The following SLC5A11 variants were observed in gnomAD, a reference collection of about 807,000 sequenced individuals.
SLC5A11 encodes solute carrier family 5 member 11.
In SLC5A11, 48 loss-of-function variants were observed where a neutral mutation model predicts 69.8. That is an observed-to-expected ratio of 0.69 (90% CI 0.55 to 0.87). The LOEUF (loss-of-function observed/expected upper bound fraction) is 0.87, where lower values mean the gene tolerates loss of function less well. SLC5A11 is among the 40% of genes least tolerant of loss of function. The pLI is 0.00. For synonymous variants in SLC5A11, 319 were observed against 342.4 expected, an observed-to-expected ratio of 0.93 and a Z score of 0.75; for missense variants, 784 against 866.1, an observed-to-expected ratio of 0.91 and a Z score of 1.19.
At chr16:24,875,143 A>G (rs1355304444) in intron 5 of SLC5A11, among the ~76,000 whole-genome samples, 1 of 152,134 alleles carries the variant, frequency 6.6e-6, no homozygotes, top group African/African-American at 2.4e-5. Context: ...ATGGCCTCAC[A>G]ATTAAATCTA....
chr16:24,889,739 G>A (rs1341981797), intron 8 of SLC5A11, among the ~76,000 whole-genome samples: 2 of 151,592 alleles, frequency 1.3e-5, no homozygotes, highest in South Asian at 2.1e-4. Context: ...GTAGAGACAG[G>A]GTTTCACCAT....
chr16:24,885,648 C>T (rs2048342932), intron 8 of SLC5A11, among the ~76,000 whole-genome samples: 1 of 83,468 alleles, frequency 1.2e-5, no homozygotes, highest in South Asian at 5.4e-4. Flanking sequence ...CAGAGTGAGA[C>T]CCTGTCTCAA....
chr16:24,868,904 G>C (rs538596779), intron 3 of SLC5A11, among the ~76,000 whole-genome samples: 1 of 138,402 alleles, frequency 7.2e-6, no homozygotes, highest in African/African-American at 2.7e-5. Context: ...CGGAGTCTCT[G>C]TCGTCCAGGC....
In SLC5A11 at chr16:24,893,392, G is replaced by A. The variant is rs1260293409; in HGVS notation, c.870+2318G>A. Among the ~76,000 whole-genome samples the A allele has an allele frequency of 7.3e-5, 11 of 151,464 alleles. No homozygotes were observed. The South Asian group carries it at 1.7e-3, about 23-fold the overall frequency. ...ACTCTGTCTCAAAAACAAACAAAAC[G>A]AAACAAAAAAAGACAGTTGACCCAT... On this transcript the variant is annotated intron_variant, in intron 9 of 15. Transcript: ENST00000347898.
At chr16:24,872,081 C>G (rs886911118) in intron 4 of SLC5A11, 79 bp from the exon 6 acceptor site, 1 of 1,562,452 alleles carries the variant, frequency 6.4e-7, no homozygotes, top group African/African-American at 1.4e-5. Flanking sequence ...GCCAGGCTGC[C>G]TCAGGGCGCA....
chr16:24,908,146 C>A lies in SLC5A11; in HGVS notation c.1434+15C>A, dbSNP rs777421344. The A allele has an allele frequency of 6.4e-7, 1 of 1,564,422 alleles. No homozygotes were observed. The highest frequency in any genetic ancestry group is 8.6e-7 in the Non-Finnish European group (1 of 1,156,532). On this transcript the variant is annotated intron_variant, in intron 13 of 15. Coordinates refer to ENST00000347898, the Ensembl canonical transcript of SLC5A11. The stretch of plus-strand genomic sequence containing the variant: ...CCAATGAAAAGGTAGCTCTGGATGG[C>A]TCCCACTATGCCAGAACCAAGTGCT...
chr16:24,849,593 A>AAAAAAATATATATATAT, intron 1 of SLC5A11, among the ~76,000 whole-genome samples: 9 of 35,896 alleles, frequency 2.5e-4, no homozygotes, highest in African/African-American at 4.6e-4. Context: ...AAAAAAAAAA[A>AAAAAAATATATATATAT]ATATATATAT....
intron 7 of SLC5A11, among the ~76,000 whole-genome samples, chr16:24,882,465 C>T (rs1034535172): frequency 3.9e-5 from 6 of 152,102 alleles, no homozygotes; most frequent in East Asian, 1.9e-4. Context: ...ACCTCACCCA[C>T]GGGCACAGGG....
At chr16:24,857,083 G>A (rs1334606831) in intron 1 of SLC5A11, among the ~76,000 whole-genome samples, 1 of 152,216 alleles carries the variant, frequency 6.6e-6, no homozygotes, top group East Asian at 1.9e-4. Flanking sequence ...GCCTCCCGAA[G>A]TGCTGGTATT....
chr16:24,881,133 G>A (rs911541083), intron 7 of SLC5A11, among the ~76,000 whole-genome samples: 2 of 151,730 alleles, frequency 1.3e-5, no homozygotes, highest in African/African-American at 4.8e-5. Flanking sequence ...TTGAACCCTG[G>A]AGGCAGAGGC....
At chr16:24,862,938 TA>T in intron 3 of SLC5A11, among the ~76,000 whole-genome samples, 2 of 141,294 alleles carry the variant, frequency 1.4e-5, no homozygotes, top group Non-Finnish European at 3.1e-5. Context: ...ATATATTATA[TA>T]AAATATATAA....
rs1308014597 is a variant in SLC5A11, at chr16:24,900,352, C to G, written c.1006+2243C>G. Among the ~76,000 whole-genome samples the G allele has an allele frequency of 2.0e-5, 3 of 152,274 alleles. No individual in the cohort carries two copies. In the East Asian group the frequency reaches 5.8e-4, roughly 29 times the overall value. On this transcript the variant is annotated intron_variant, in intron 10 of 15. Coordinates refer to ENST00000347898, the Ensembl canonical transcript of SLC5A11. ...AAGTGGTTTGTAGTTGGCTCAGAAG[C>G]TTAGTCAAAATAATTTAGGACCCTT...
At chr16:24,876,722 G>A (rs912636443) in intron 6 of SLC5A11, among the ~76,000 whole-genome samples, 13 of 152,290 alleles carry the variant, frequency 8.5e-5, no homozygotes, top group Admixed American at 7.8e-4. Context: ...GCCTTCTAGG[G>A]GAAGTTACAT....
At chr16:24,881,654 TAAC>T (rs1013165726) in intron 7 of SLC5A11, among the ~76,000 whole-genome samples, 21 of 152,140 alleles carry the variant, frequency 1.4e-4, no homozygotes, top group African/African-American at 4.8e-4. Context: ...CAAGTTTAAA[TAAC>T]ACCCCATGAG....
intron 1 of SLC5A11, among the ~76,000 whole-genome samples, chr16:24,853,372 T>C (rs2059395756): frequency 6.6e-6 from 1 of 152,176 alleles, no homozygotes; most frequent in African/African-American, 2.4e-5. Flanking sequence ...TTTGTTTTAC[T>C]GAGTCACAAG....
chr16:24,898,350 T>A (rs2049329565), intron 10 of SLC5A11, among the ~76,000 whole-genome samples: 1 of 152,066 alleles, frequency 6.6e-6, no homozygotes, highest in Non-Finnish European at 1.5e-5. Flanking sequence ...TAGCTGGGGC[T>A]ACAGGTATGC....
chr16:24,896,059 C>CTTTT (rs11378871), intron 9 of SLC5A11, among the ~76,000 whole-genome samples: 10 of 144,558 alleles, frequency 6.9e-5, no homozygotes, highest in African/African-American at 1.5e-4. Flanking sequence ...TAAAAAGGCT[C>CTTTT]TTTTTTTTTT....
At chr16:24,883,980 TC>T (rs1266677787) in intron 7 of SLC5A11, 70 bp from the exon 9 acceptor site, 8 of 1,428,264 alleles carry the variant, frequency 5.6e-6, no homozygotes, top group African/African-American at 1.4e-5. Context: ...CCTTCCAGGT[TC>T]CCTTGGTGAC....
intron 7 of SLC5A11, among the ~76,000 whole-genome samples, chr16:24,879,462 C>G (rs2152328005): frequency 6.6e-6 from 1 of 152,200 alleles, no homozygotes; most frequent in Middle Eastern, 3.4e-3. Context: ...GTGGGCCAGG[C>G]ATGGTGGCTC....
Sources: gnomAD v4.1 joint callset for allele counts (sites outside exome capture counted in the v4.1 genomes callset) on GRCh38, gnomAD v4.1.1 for gene constraint, MANE v1.5 for transcripts, NCBI Gene and HGNC (gene_info 2026-07-23, HGNC 2026-07-21) for gene names.